The following NOS1AP variants were observed in gnomAD, a reference collection of about 807,000 sequenced individuals.
NOS1AP encodes the protein nitric oxide synthase 1 adaptor protein, also known as carboxyl-terminal PDZ ligand of neuronal nitric oxide synthase protein.
Under a neutral mutation model 56.2 loss-of-function variants are expected in NOS1AP, and 21 were observed. That is an observed-to-expected ratio of 0.37 (90% CI 0.26 to 0.54). NOS1AP has a LOEUF of 0.54. Among genes scored for constraint, NOS1AP ranks in the 20% least tolerant of loss-of-function variants. The pLI, the probability that NOS1AP is intolerant of heterozygous loss-of-function variation, is 0.84. For missense variants in NOS1AP, 522 were observed against 657.8 expected (o/e 0.79, Z 2.26); for synonymous variants, 270 against 274.6 (o/e 0.98, Z 0.17).
intron 1 of NOS1AP, among the ~76,000 whole-genome samples, chr1:162,149,899 A>T (rs1292977067): frequency 6.6e-6 from 1 of 152,224 alleles, no homozygotes; most frequent in African/African-American, 2.4e-5. Context: ...ATATTTTGAT[A>T]CCGGCATGCA....
At chr1:162,203,350 C>T (rs576069951) in intron 2 of NOS1AP, among the ~76,000 whole-genome samples, 26 of 152,154 alleles carry the variant, frequency 1.7e-4, no homozygotes, top group Non-Finnish European at 3.4e-4. Context: ...GATTTTCATC[C>T]AGATTCCACT....
At chr1:162,292,503 T>C (rs551002180) in intron 3 of NOS1AP, among the ~76,000 whole-genome samples, 1 of 152,358 alleles carries the variant, frequency 6.6e-6, no homozygotes, top group African/African-American at 2.4e-5. Context: ...ACCATTCTTA[T>C]GATTGTTCAA....
chr1:162,265,213 AG>A (rs1201183790), intron 2 of NOS1AP, among the ~76,000 whole-genome samples: 5 of 143,332 alleles, frequency 3.5e-5, no homozygotes, highest in Non-Finnish European at 7.5e-5. Context: ...TCCCTATTAA[AG>A]GGTCGTTTTC....
intron 8 of NOS1AP, among the ~76,000 whole-genome samples, chr1:162,357,736 T>C (rs1194149056): frequency 1.3e-5 from 2 of 151,978 alleles, no homozygotes; most frequent in Admixed American, 1.3e-4. Context: ...AAGAATTGGC[T>C]TAGATCTCAG....
intron 1 of NOS1AP, among the ~76,000 whole-genome samples, chr1:162,074,442 T>C (rs576726220): frequency 6.6e-6 from 1 of 152,322 alleles, no homozygotes; most frequent in African/African-American, 2.4e-5. Flanking sequence ...TGGTCAGAAC[T>C]GGAAAGCACC....
chr1:162,155,478 G>A (rs58402728), intron 2 of NOS1AP, among the ~76,000 whole-genome samples: 5,910 of 149,192 alleles, frequency 0.04, 301 homozygotes, highest in African/African-American at 0.11. Context: ...GAGAGGTATC[G>A]AATATAAGAT....
chr1:162,215,119 CGGGTCCT>C (rs1557835561), intron 2 of NOS1AP, among the ~76,000 whole-genome samples: 1 of 152,204 alleles, frequency 6.6e-6, no homozygotes, highest in Non-Finnish European at 1.5e-5. Flanking sequence ...AGGGATCTCA[CGGGTCCT>C]CAAGGCCACA....
At chr1:162,122,566 G>A (rs540225582) in intron 1 of NOS1AP, among the ~76,000 whole-genome samples, 2 of 149,854 alleles carry the variant, frequency 1.3e-5, no homozygotes, top group African/African-American at 4.9e-5. Flanking sequence ...GGAGTGTAGT[G>A]GCATGATCTC....
At chr1:162,342,535 G>T in intron 5 of NOS1AP, 1 of 480,346 alleles carries the variant, frequency 2.1e-6, no homozygotes, top group Non-Finnish European at 4.3e-6. Flanking sequence ...AGGTCCCTAG[G>T]AGTTCACAAA....
intron 1 of NOS1AP, among the ~76,000 whole-genome samples, chr1:162,077,930 C>T (rs1031250378): frequency 6.6e-6 from 1 of 152,178 alleles, no homozygotes; most frequent in African/African-American, 2.4e-5. Flanking sequence ...GTCCTGGCTG[C>T]TGTACTGAAA....
At chr1:162,274,731 T>C (rs1049342534) in intron 2 of NOS1AP, among the ~76,000 whole-genome samples, 1 of 152,192 alleles carries the variant, frequency 6.6e-6, no homozygotes, top group Admixed American at 6.5e-5. Context: ...TGGGCAGATA[T>C]AATTTTTTAG....
chr1:162,237,640 G>A (rs11802202), intron 2 of NOS1AP, among the ~76,000 whole-genome samples: 1 of 152,196 alleles, frequency 6.6e-6, no homozygotes, highest in Non-Finnish European at 1.5e-5. Context: ...TGACAAGAAG[G>A]AGAATCAGTT....
intron 4 of NOS1AP, among the ~76,000 whole-genome samples, chr1:162,317,527 CA>C (rs1656269455): frequency 6.6e-6 from 1 of 152,152 alleles, no homozygotes. Context: ...TCAAACACCT[CA>C]GCTGATGAAG....
intron 1 of NOS1AP, among the ~76,000 whole-genome samples, chr1:162,085,807 C>T (rs1691988328): frequency 6.6e-6 from 1 of 152,154 alleles, no homozygotes; most frequent in Admixed American, 6.5e-5. Context: ...GAAAGATAGG[C>T]ACATTATATT....
In NOS1AP at chr1:162,102,180, TTTC is replaced by T. The variant is rs1647304972; in HGVS notation, c.105+31903_105+31905del. Among the ~76,000 whole-genome samples, 7 of 152,276 alleles carry T rather than the reference TTTC, an allele frequency of 4.6e-5. No individual in the cohort carries two copies. In the South Asian group the frequency reaches 1.5e-3, roughly 32 times the overall value. Reference sequence around the variant, plus strand: ...GTATGTTGAATTTTATCCAAGGTCATTTCTTCTGCATCTATTGAGATAATCATG... The same window carrying T: ...GTATGTTGAATTTTATCCAAGGTCATTTCTGCATCTATTGAGATAATCATG... On this transcript the variant is annotated intron_variant, in intron 1 of 9. Coordinates refer to ENST00000361897, the MANE Select transcript of NOS1AP (RefSeq NM_014697.3).
chr1:162,158,694 CT>C (rs1262880843), intron 2 of NOS1AP, among the ~76,000 whole-genome samples: 1 of 152,310 alleles, frequency 6.6e-6, no homozygotes, highest in South Asian at 2.1e-4. Flanking sequence ...AGATCTGGTA[CT>C]TTCCCCCTCT....
intron 1 of NOS1AP, among the ~76,000 whole-genome samples, chr1:162,150,341 C>T (rs980589676): frequency 6.6e-6 from 1 of 152,170 alleles, no homozygotes; most frequent in African/African-American, 2.4e-5. Context: ...TTCCATTTTA[C>T]TGCATTTTCT....
At chr1:162,348,907 C>T (rs564030023) in intron 6 of NOS1AP, among the ~76,000 whole-genome samples, 62 of 152,310 alleles carry the variant, frequency 4.1e-4, no homozygotes, top group Non-Finnish European at 6.8e-4. Context: ...TCAACTTTGC[C>T]GGGCGCAGTG....
intron 1 of NOS1AP, among the ~76,000 whole-genome samples, chr1:162,116,031 G>A (rs1467349830): frequency 3.3e-5 from 5 of 152,302 alleles, no homozygotes; most frequent in East Asian, 1.9e-4. Flanking sequence ...GTTGTTTGGC[G>A]ATTGAAAGGA....
Sources: allele counts gnomAD v4.1 joint callset (sites outside exome capture counted in the v4.1 genomes callset), GRCh38; gene constraint gnomAD v4.1.1; transcripts MANE v1.5; gene names NCBI Gene and HGNC (gene_info 2026-07-23, HGNC 2026-07-21).